CLEC16A: variants seen among roughly 807,000 people sequenced by gnomAD.
CLEC16A encodes the protein protein CLEC16A.
A neutral mutation model predicts 109.5 loss-of-function variants in CLEC16A; 51 were observed. The observed-to-expected ratio is 0.47, with a 90% confidence interval of 0.37 to 0.59. The LOEUF is 0.59. Ranked by LOEUF, CLEC16A falls within the 20% of genes least tolerant of loss-of-function variation. CLEC16A has a pLI of 0.00. For synonymous variants in CLEC16A, 673 were observed against 564.2 expected, an observed-to-expected ratio of 1.19 and a Z score of -2.73; for missense variants, 1,339 against 1,394.0, an observed-to-expected ratio of 0.96 and a Z score of 0.63.
intron 7 of CLEC16A, among the ~76,000 whole-genome samples, chr16:10,974,710 T>G (rs777284854): frequency 6.6e-6 from 1 of 152,248 alleles, no homozygotes; most frequent in Non-Finnish European, 1.5e-5. Flanking sequence ...GCAGACCCAT[T>G]GGAGCAATTG....
At chr16:11,092,394 A>C (rs1446215838) in intron 19 of CLEC16A, among the ~76,000 whole-genome samples, 2 of 148,968 alleles carry the variant, frequency 1.3e-5, no homozygotes, top group Non-Finnish European at 3.0e-5. Context: ...ACACACACAC[A>C]CACACACATG....
chr16:11,113,067 C>T (rs2051710620), intron 19 of CLEC16A, among the ~76,000 whole-genome samples: 1 of 152,238 alleles, frequency 6.6e-6, no homozygotes, highest in African/African-American at 2.4e-5. Flanking sequence ...CACCAGAGCT[C>T]TTGAACTCAC....
intron 10 of CLEC16A, among the ~76,000 whole-genome samples, chr16:10,999,242 TTAAAA>T (rs1489682215): frequency 6.6e-6 from 1 of 152,048 alleles, no homozygotes; most frequent in Non-Finnish European, 1.5e-5. Flanking sequence ...AGCTGAATGT[TTAAAA>T]TAAAGTTAAT....
At chr16:11,175,196 C>G (rs1270052475) in intron 23 of CLEC16A, among the ~76,000 whole-genome samples, 1 of 152,232 alleles carries the variant, frequency 6.6e-6, no homozygotes, top group African/African-American at 2.4e-5. Flanking sequence ...CACCCTAGGC[C>G]TGCAGATCAG....
At chr16:11,024,428 G>A (rs924916582) in intron 12 of CLEC16A, 1 of 166,202 alleles carries the variant, frequency 6.0e-6, no homozygotes, top group Non-Finnish European at 1.3e-5. Flanking sequence ...TGCCTTGTGT[G>A]ACATCACACT....
At chr16:11,085,776 GAGAA>G (rs2049977154) in intron 19 of CLEC16A, among the ~76,000 whole-genome samples, 2 of 152,174 alleles carry the variant, frequency 1.3e-5, no homozygotes, top group Non-Finnish European at 2.9e-5. Flanking sequence ...ATTTTTTGTA[GAGAA>G]AGGGTTTCAT....
At chr16:10,994,168 G>A (rs376548094) in intron 10 of CLEC16A, among the ~76,000 whole-genome samples, 4 of 152,156 alleles carry the variant, frequency 2.6e-5, no homozygotes, top group Non-Finnish European at 4.4e-5. Flanking sequence ...AGAATGCCGT[G>A]TTCTCCTTGT....
intron 22 of CLEC16A, among the ~76,000 whole-genome samples, chr16:11,151,592 T>A (rs1427981043): frequency 6.6e-6 from 1 of 152,246 alleles, no homozygotes; most frequent in East Asian, 1.9e-4. Context: ...GTTTGGGGCA[T>A]GTACTCTTGC....
At chr16:10,965,793 C>T (rs1442337030) in intron 3 of CLEC16A, among the ~76,000 whole-genome samples, 2 of 152,234 alleles carry the variant, frequency 1.3e-5, no homozygotes, top group African/African-American at 4.8e-5. Context: ...AGAGGCACCT[C>T]CAACTGTCCT....
intron 19 of CLEC16A, among the ~76,000 whole-genome samples, chr16:11,112,080 G>A (rs1020412064): frequency 6.6e-6 from 1 of 152,216 alleles, no homozygotes; most frequent in Non-Finnish European, 1.5e-5. Context: ...AAAATCACAA[G>A]GAGTGTCTCA....
chr16:11,087,933 C>T (rs895402628), intron 19 of CLEC16A, among the ~76,000 whole-genome samples: 2 of 152,238 alleles, frequency 1.3e-5, no homozygotes, highest in African/African-American at 4.8e-5. Context: ...GCTGTGCAGC[C>T]GCCCTGGGCT....
At chr16:11,030,402 T>TCTA (rs1476260731) in intron 13 of CLEC16A, among the ~76,000 whole-genome samples, 8 of 152,250 alleles carry the variant, frequency 5.3e-5, no homozygotes. Flanking sequence ...GTACAAGAGT[T>TCTA]CTAGTTCCTT....
intron 19 of CLEC16A, among the ~76,000 whole-genome samples, chr16:11,093,766 C>T (rs559473289): frequency 6.6e-6 from 1 of 152,100 alleles, no homozygotes; most frequent in Non-Finnish European, 1.5e-5. Context: ...GAGAAGGGGC[C>T]CTGCTGAAGG....
intron 22 of CLEC16A, among the ~76,000 whole-genome samples, chr16:11,134,589 T>C (rs2053450355): frequency 6.6e-6 from 1 of 152,170 alleles, no homozygotes; most frequent in Non-Finnish European, 1.5e-5. Context: ...GTTTTGAATT[T>C]TGGATTTGGG....
chr16:11,157,681 G>C (rs373490750), intron 22 of CLEC16A, among the ~76,000 whole-genome samples: 1 of 151,708 alleles, frequency 6.6e-6, no homozygotes, highest in Non-Finnish European at 1.5e-5. Flanking sequence ...TTCCTAAGAG[G>C]AGTCCCGGGC....
At chr16:11,029,313 G>A (rs2046605485) in intron 13 of CLEC16A, among the ~76,000 whole-genome samples, 2 of 152,168 alleles carry the variant, frequency 1.3e-5, no homozygotes, top group Admixed American at 1.3e-4. Context: ...CATTCTGGCA[G>A]GTCTTTCCCT....
rs558840283 is a variant in CLEC16A, at chr16:10,964,992, C to T, written c.343+2404C>T. ...GTCACTGTGCTGTACATGAGAGCTC[C>T]GGAACTTACTCATCGTGCGTCGTAC... On this transcript the variant is annotated intron_variant, in intron 3 of 23. Transcript: ENST00000409790. 3.3e-5 allele frequency among the ~76,000 whole-genome samples: 5 copies of T among 152,256 alleles called. No homozygotes were observed. The East Asian group carries it at 5.8e-4, about 18-fold the overall frequency.
intron 18 of CLEC16A, 53 bp downstream of exon 18, chr16:11,051,694 TC>T: frequency 6.3e-7 from 1 of 1,597,394 alleles, no homozygotes. Flanking sequence ...CCAGAACCAC[TC>T]CCAGACCAGG....
At chr16:11,166,846 A>G (rs1200175234) in intron 23 of CLEC16A, among the ~76,000 whole-genome samples, 1 of 152,124 alleles carries the variant, frequency 6.6e-6, no homozygotes, top group Admixed American at 6.5e-5. Flanking sequence ...AACCCACCCT[A>G]TCATCACCTC....
Sources: gnomAD v4.1 joint callset for allele counts (sites outside exome capture counted in the v4.1 genomes callset) on GRCh38, gnomAD v4.1.1 for gene constraint, MANE v1.5 for transcripts, NCBI Gene and HGNC (gene_info 2026-07-23, HGNC 2026-07-21) for gene names.